Variants in ANKRD6 observed in about 807,000 individuals in gnomAD.
The protein encoded by ANKRD6 is ankyrin repeat domain-containing protein 6.
In ANKRD6, 56 loss-of-function variants were observed where a neutral mutation model predicts 82.3. That is an observed-to-expected ratio of 0.68 (90% confidence interval 0.55 to 0.85). The LOEUF (loss-of-function observed/expected upper bound fraction) is 0.85, where lower values mean the gene tolerates loss of function less well. Ranked by LOEUF, ANKRD6 falls within the 40% of genes least tolerant of loss-of-function variation. The pLI, the probability that ANKRD6 is intolerant of heterozygous loss-of-function variation, is 0.00. For synonymous variants in ANKRD6, 347 were observed against 352.1 expected (o/e 0.99, Z 0.16); for missense variants, 852 against 907.6 (o/e 0.94, Z 0.79).
rs183889563 is a variant in ANKRD6 at position 89,545,708 on chromosome 6, G to A, written c.-143-21126G>A. Among the ~76,000 whole-genome samples the A allele has an allele frequency of 2.7e-3, 404 of 152,286 alleles. 1 individual carries two copies. Among genetic ancestry groups the A allele is most frequent in the African/African-American group, 9.2e-3 (383 of 41,562 alleles). Reference sequence around the variant, plus strand: ...AAACAACATTGAACTTGAATCAAACGTGGTTGTTGTTATAACAATGATAAT... The same window carrying A: ...AAACAACATTGAACTTGAATCAAACATGGTTGTTGTTATAACAATGATAAT... On this transcript the variant is annotated intron_variant, in intron 1 of 15. Coordinates refer to ENST00000339746, the MANE Select transcript of ANKRD6 (RefSeq NM_001242809.2).
At chr6:89,585,032 C>A (rs1263984256) in intron 2 of ANKRD6, among the ~76,000 whole-genome samples, 5 of 152,142 alleles carry the variant, frequency 3.3e-5, no homozygotes, top group African/African-American at 1.2e-4. Flanking sequence ...AATACCATCA[C>A]GTTGAAAGTT....
chr6:89,448,887 G>A (rs1189206310), intron 1 of ANKRD6, among the ~76,000 whole-genome samples: 1 of 151,548 alleles, frequency 6.6e-6, no homozygotes, highest in Non-Finnish European at 1.5e-5. Flanking sequence ...AAAATTAGCC[G>A]GGCGTGTTGG....
Position 89,624,613 on chromosome 6 carries a change from G to A in ANKRD6, c.1293G>A (p.Glu431=). 2.5e-6 allele frequency: 4 copies of A among 1,573,796 alleles called. No individual in the cohort carries two copies. The highest frequency in any genetic ancestry group is 3.5e-6 in the Non-Finnish European group (4 of 1,159,184). Residue 431 remains glutamate, a synonymous_variant, in exon 13 of 16, where the codon GAG becomes GAA. Coordinates refer to ENST00000339746, the MANE Select transcript of ANKRD6 (RefSeq NM_001242809.2). ...LENQLEATVE[E]IKAELGSVQD... is the part of the protein sequence containing the mutation. ...ATCAGTTGGAGGCTACTGTGGAGGAGATAAAAGCAGAGCTGGGATCGGTTC... is the reference window on the plus strand; with the variant it reads ...ATCAGTTGGAGGCTACTGTGGAGGAAATAAAAGCAGAGCTGGGATCGGTTC...
Position 89,482,504 on chromosome 6 carries a change from G to A in ANKRD6, c.-144+49129G>A, listed in dbSNP as rs115967211. On this transcript the variant is annotated intron_variant, in intron 1 of 15. Coordinates refer to ENST00000339746, the MANE Select transcript of ANKRD6 (RefSeq NM_001242809.2). Reference sequence around the variant, plus strand: ...AAAATCCTGAAATTCCTTTCTTAAGGGGGTCCCTTTGTATCAGCCACTAAG... The same window carrying A: ...AAAATCCTGAAATTCCTTTCTTAAGAGGGTCCCTTTGTATCAGCCACTAAG... 3.8e-3 allele frequency among the ~76,000 whole-genome samples: 582 copies of A among 151,940 alleles called. 7 individuals carry two copies. Among genetic ancestry groups the A allele is most frequent in the African/African-American group, 0.013 (554 of 41,418 alleles).
At chr6:89,582,597 A>G (rs943310303) in intron 2 of ANKRD6, among the ~76,000 whole-genome samples, 2 of 152,022 alleles carry the variant, frequency 1.3e-5, no homozygotes, top group Admixed American at 6.6e-5. Context: ...CATCTTCCCA[A>G]ACTGTAACTT....
chr6:89,578,326 C>T (rs940279919), intron 2 of ANKRD6, among the ~76,000 whole-genome samples: 2 of 122,846 alleles, frequency 1.6e-5, no homozygotes, highest in African/African-American at 6.2e-5. Flanking sequence ...AACAGAGTCT[C>T]ACTCTTTTGC....
intron 1 of ANKRD6, among the ~76,000 whole-genome samples, chr6:89,445,275 T>C (rs914214476): frequency 1.4e-5 from 2 of 140,212 alleles, no homozygotes; most frequent in African/African-American, 5.3e-5. Context: ...TTTTTTTTTT[T>C]TTTTTTTTTT....
chr6:89,572,861 AT>A (rs1790253974), intron 2 of ANKRD6, among the ~76,000 whole-genome samples: 1 of 152,142 alleles, frequency 6.6e-6, no homozygotes, highest in Non-Finnish European at 1.5e-5. Flanking sequence ...TTTCTATTAT[AT>A]TTCACAGGTT....
At chr6:89,487,620 T>C (rs1012121346) in intron 1 of ANKRD6, among the ~76,000 whole-genome samples, 1 of 152,218 alleles carries the variant, frequency 6.6e-6, no homozygotes, top group Non-Finnish European at 1.5e-5. Flanking sequence ...GGGCAAGCAT[T>C]ATTATGAAAA....
intron 2 of ANKRD6, among the ~76,000 whole-genome samples, chr6:89,567,598 C>T (rs1019204549): frequency 5.3e-5 from 8 of 152,124 alleles, no homozygotes; most frequent in East Asian, 3.9e-4. Flanking sequence ...GCTTACCCTG[C>T]GCCAACAGAG....
intron 1 of ANKRD6, among the ~76,000 whole-genome samples, chr6:89,470,262 T>A (rs952166116): frequency 3.9e-5 from 6 of 152,224 alleles, no homozygotes; most frequent in African/African-American, 1.4e-4. Flanking sequence ...CTAGTTCTTG[T>A]TAATCCTCAG....
At chr6:89,538,115 A>T (rs1195903750) in intron 1 of ANKRD6, among the ~76,000 whole-genome samples, 4 of 152,164 alleles carry the variant, frequency 2.6e-5, no homozygotes, top group Non-Finnish European at 5.9e-5. Flanking sequence ...ACTTACTTAC[A>T]TTTTTTTAAT....
At chr6:89,619,602 T>C (rs1802486644) in intron 9 of ANKRD6, 1 of 152,246 alleles carries the variant, frequency 6.6e-6, no homozygotes, top group African/African-American at 2.4e-5. Flanking sequence ...TCTCCATGCT[T>C]ACATCGAATA....
intron 1 of ANKRD6, among the ~76,000 whole-genome samples, chr6:89,495,985 T>C (rs904273809): frequency 6.6e-6 from 1 of 152,092 alleles, no homozygotes; most frequent in African/African-American, 2.4e-5. Flanking sequence ...GACCCCAGTG[T>C]ACATGTTCAT....
intron 2 of ANKRD6, among the ~76,000 whole-genome samples, chr6:89,585,293 A>G (rs975636955): frequency 6.6e-6 from 1 of 152,214 alleles, no homozygotes; most frequent in East Asian, 1.9e-4. Context: ...TTCTGCTGTG[A>G]TAAGGAACAA....
intron 9 of ANKRD6, among the ~76,000 whole-genome samples, chr6:89,619,231 G>C (rs958646305): frequency 2.6e-5 from 4 of 152,098 alleles, no homozygotes; most frequent in African/African-American, 4.8e-5. Flanking sequence ...TCCACCTCTA[G>C]CAGCTTTTAT....
intron 1 of ANKRD6, among the ~76,000 whole-genome samples, chr6:89,490,830 G>C (rs955255103): frequency 6.6e-6 from 1 of 152,058 alleles, no homozygotes; most frequent in East Asian, 1.9e-4. Flanking sequence ...TGGGTCAAAT[G>C]GTGGCCCCCC....
At chr6:89,504,391 T>TCG (rs1779603137) in intron 1 of ANKRD6, among the ~76,000 whole-genome samples, 1 of 150,986 alleles carries the variant, frequency 6.6e-6, no homozygotes, top group African/African-American at 2.4e-5. Flanking sequence ...GGACAGTCTC[T>TCG]CTCTCGCTCT....
intron 1 of ANKRD6, among the ~76,000 whole-genome samples, chr6:89,492,796 T>C (rs1312095532): frequency 6.6e-6 from 1 of 152,136 alleles, no homozygotes; most frequent in African/African-American, 2.4e-5. Flanking sequence ...TTTGGTACCT[T>C]TTTTTTCTTT....
Sources: gnomAD v4.1 joint callset for allele counts (sites outside exome capture counted in the v4.1 genomes callset) on GRCh38, gnomAD v4.1.1 for gene constraint, MANE v1.5 for transcripts, NCBI Gene and HGNC (gene_info 2026-07-23, HGNC 2026-07-21) for gene names.